KALRN: variants seen among roughly 807,000 people sequenced by gnomAD.
KALRN encodes kalirin.
KALRN carries 70 observed loss-of-function variants against 353.7 expected under a neutral mutation model. That is an observed-to-expected ratio of 0.20 (90% CI 0.16 to 0.24). KALRN has a LOEUF of 0.24. Among genes scored for constraint, KALRN ranks in the 10% least tolerant of loss-of-function variants. KALRN has a pLI of 1.00. For missense variants in KALRN, 2,791 were observed against 3,756.7 expected, an observed-to-expected ratio of 0.74 and a Z score of 6.72; for synonymous variants, 1,391 against 1,434.8, an observed-to-expected ratio of 0.97 and a Z score of 0.69.
intron 37 of KALRN, among the ~76,000 whole-genome samples, chr3:124,649,878 C>A (rs542611326): frequency 6.9e-6 from 1 of 143,916 alleles, no homozygotes; most frequent in Non-Finnish European, 1.5e-5. Context: ...AACCCCAACA[C>A]TTTGGGAGAC....
intron 1 of KALRN, among the ~76,000 whole-genome samples, chr3:124,073,678 A>G (rs2060126999): frequency 6.6e-6 from 1 of 152,228 alleles, no homozygotes; most frequent in Non-Finnish European, 1.5e-5. Context: ...GCTCTTTAAA[A>G]TAAGCATTAC....
At chr3:124,066,344 A>G (rs907837722) in intron 1 of KALRN, among the ~76,000 whole-genome samples, 4 of 152,196 alleles carry the variant, frequency 2.6e-5, no homozygotes, top group Admixed American at 6.5e-5. Flanking sequence ...GTTGCATAGT[A>G]TAGAGATTTT....
intron 9 of KALRN, among the ~76,000 whole-genome samples, chr3:124,335,363 C>CT (rs945142847): frequency 6.6e-5 from 10 of 151,484 alleles, no homozygotes; most frequent in East Asian, 1.9e-4. Context: ...TATGTAGTTT[C>CT]TTTTTTTTTG....
intron 34 of KALRN, among the ~76,000 whole-genome samples, chr3:124,586,992 T>C (rs972025231): frequency 6.6e-6 from 1 of 152,134 alleles, no homozygotes; most frequent in African/African-American, 2.4e-5. Context: ...TGAAAACAGA[T>C]TGAAAAGATA....
intron 11 of KALRN, among the ~76,000 whole-genome samples, chr3:124,387,998 A>G (rs905243965): frequency 1.3e-5 from 2 of 152,110 alleles, no homozygotes; most frequent in East Asian, 1.9e-4. Context: ...GTGTGTATGT[A>G]TACATGCACA....
In KALRN at chr3:124,268,966, G is replaced by A. The variant is rs955692370; in HGVS notation, c.680G>A (p.Arg227Gln). The A allele has an allele frequency of 1.9e-5, 30 of 1,614,152 alleles. No homozygotes were observed. The highest frequency in any genetic ancestry group is 1.6e-4 in the Middle Eastern group (1 of 6,062). The change falls in exon 5 of 60, where the codon CGG becomes CAG. Residue 227 changes from arginine to glutamine, a missense_variant. Physicochemically the swap from Arg to Gln is conservative, Grantham distance 43 (BLOSUM62 1). Around this residue, in one of 11 missense-constraint regions of KALRN, gnomAD observed 366 missense variants for 489.2 expected, o/e 0.75. Coordinates refer to ENST00000682506, the MANE Select transcript of KALRN (RefSeq NM_001388419.1). ...CCTGTGGATGTGGAGGGCTCTCGGC[G>A]GCTCATTGACGAACACACACAGCTC... ...EFPVDVEGSR[R>Q]LIDEHTQLKK...
In KALRN at chr3:124,724,061, T is replaced by C. The variant is rs2063390320; in HGVS notation, c.*4591T>C. ...TTTTTTTTTTAGGTGGTTAGGTCTT[T>C]TAGGAGTTGCATATTTGCTATCCCA... On this transcript the variant is annotated 3_prime_UTR_variant, in exon 60 of 60. Transcript: ENST00000682506. 6.6e-6 allele frequency: 1 copy of C among 152,064 alleles called. No homozygotes were observed. The highest frequency in any genetic ancestry group is 2.4e-5 in the African/African-American group (1 of 41,404). The allele number at this position is 152,064 out of a possible 1,614,324, so 9.4% of individuals were successfully genotyped here. A position where few individuals can be genotyped will look rare whatever the true frequency, so the allele number is the denominator to read the frequency against.
chr3:124,674,389 C>A lies in KALRN; in HGVS notation c.6968C>A (p.Thr2323Asn). 1.2e-6 allele frequency: 2 copies of A among 1,613,576 alleles called. No individual in the cohort carries two copies. The highest frequency in any genetic ancestry group is 1.7e-5 in the Admixed American group (1 of 59,946). Residue 2323 changes from threonine to asparagine, a missense_variant, in exon 49 of 60, where the codon ACC (threonine) becomes AAC (asparagine). Physicochemically the swap from Thr to Asn is moderately conservative, Grantham distance 65 (BLOSUM62 0). Transcript: ENST00000682506. Reference protein sequence around the residue: ...SKNDLGGCNGTSSMAVIKDYY... With the variant: ...SKNDLGGCNGNSSMAVIKDYY... The stretch of plus-strand genomic sequence containing the variant: ...AACGACCTGGGAGGCTGCAATGGGA[C>A]CTCGTCCATGGCCGTGATCAAAGAT...
chr3:124,506,779 A>C (rs1039171270), intron 33 of KALRN, among the ~76,000 whole-genome samples: 4 of 152,242 alleles, frequency 2.6e-5, no homozygotes, highest in African/African-American at 9.6e-5. Flanking sequence ...AGTTTCACTT[A>C]CTGTTTGCTG....
Position 124,349,225 on chromosome 3 carries a change from C to T in KALRN, c.1770+1960C>T, listed in dbSNP as rs542011750. Among the ~76,000 whole-genome samples, 10 of 152,168 alleles carry T rather than the reference C, an allele frequency of 6.6e-5. No individual in the cohort carries two copies. The East Asian group carries it at 1.9e-3, about 29-fold the overall frequency. ...TATACTAAGTGAAATAAGCCAGTCA[C>T]AAAAAGGACAAATATTTTATGATTC... On this transcript the variant is annotated intron_variant, in intron 10 of 59. Transcript: ENST00000682506.
chr3:124,508,591 G>A (rs1000583051), intron 33 of KALRN, among the ~76,000 whole-genome samples: 1 of 152,150 alleles, frequency 6.6e-6, no homozygotes, highest in African/African-American at 2.4e-5. Context: ...TGGGGCAATT[G>A]TGAACAATGC....
chr3:124,466,896 A>G (rs932760022), intron 25 of KALRN, among the ~76,000 whole-genome samples: 1 of 152,164 alleles, frequency 6.6e-6, no homozygotes, highest in Non-Finnish European at 1.5e-5. Context: ...GGATCTTAGA[A>G]TTTGATGAAT....
At chr3:124,366,413 A>G (rs1489988291) in intron 10 of KALRN, among the ~76,000 whole-genome samples, 1 of 149,138 alleles carries the variant, frequency 6.7e-6, no homozygotes, top group Non-Finnish European at 1.5e-5. Context: ...ACTCTTAACG[A>G]GCATGCTGCT....
intron 51 of KALRN, among the ~76,000 whole-genome samples, chr3:124,681,205 C>T (rs966709310): frequency 5.3e-5 from 8 of 152,166 alleles, no homozygotes; most frequent in African/African-American, 1.9e-4. Flanking sequence ...GAGCAGCACA[C>T]ATTAAGAAAA....
chr3:124,234,953 A>G lies in KALRN; in HGVS notation c.263+10A>G. 1.3e-6 allele frequency: 2 copies of G among 1,581,824 alleles called. No individual in the cohort carries two copies. The highest frequency in any genetic ancestry group is 1.7e-6 in the Non-Finnish European group (2 of 1,160,074). On this transcript the variant is annotated intron_variant, in intron 3 of 59. Coordinates refer to ENST00000682506, the MANE Select transcript of KALRN (RefSeq NM_001388419.1). ...TGGCCAGCGTGCCAAGGTAAGGGGA[A>G]GGGGAATGGCCTGCAGGGGAGCGGG...
At chr3:124,564,753 G>T (rs1214698085) in intron 34 of KALRN, among the ~76,000 whole-genome samples, 1 of 152,214 alleles carries the variant, frequency 6.6e-6, no homozygotes, top group African/African-American at 2.4e-5. Flanking sequence ...CTCCAGAGCC[G>T]GTGGGTCCCA....
chr3:124,383,039 T>G (rs1466785574), intron 10 of KALRN, among the ~76,000 whole-genome samples: 1 of 152,236 alleles, frequency 6.6e-6, no homozygotes, highest in Admixed American at 6.5e-5. Context: ...ATTTTTCCTC[T>G]TTTTCAACCC....
At chr3:124,642,300 T>G (rs2082122689) in intron 37 of KALRN, among the ~76,000 whole-genome samples, 1 of 131,242 alleles carries the variant, frequency 7.6e-6, no homozygotes, top group South Asian at 2.4e-4. Context: ...AAACAAAAAA[T>G]TAAAAGAGAG....
chr3:124,604,241 G>A lies in KALRN; in HGVS notation c.5183-28179G>A, dbSNP rs1384551283. On this transcript the variant is annotated intron_variant, in intron 34 of 59. Transcript: ENST00000682506. The stretch of plus-strand genomic sequence containing the variant: ...ATGTATACATGTGCCATGCTGATGC[G>A]CGCACCCACTAACTCGTCATCTAGC... 2.6e-5 allele frequency among the ~76,000 whole-genome samples: 4 copies of A among 152,008 alleles called. No homozygotes were observed. In the East Asian group the frequency reaches 5.8e-4, roughly 22 times the overall value.
Sources: allele counts gnomAD v4.1 joint callset (sites outside exome capture counted in the v4.1 genomes callset), GRCh38; gene constraint gnomAD v4.1.1; regional missense constraint gnomAD v4.1.1; transcripts MANE v1.5; gene names NCBI Gene and HGNC (gene_info 2026-07-23, HGNC 2026-07-21).